Variants in SLC10A7 observed in about 807,000 individuals in gnomAD.
SLC10A7 encodes the protein solute carrier family 10 member 7.
SLC10A7 carries 29 observed loss-of-function variants against 43.2 expected under a neutral mutation model. The observed-to-expected ratio is 0.67, with a 90% CI of 0.50 to 0.92. The LOEUF (loss-of-function observed/expected upper bound fraction) is 0.92, where lower values mean the gene tolerates loss of function less well. Ranked by LOEUF, SLC10A7 falls within the 40% of genes least tolerant of loss-of-function variation. The probability of loss-of-function intolerance (pLI) is 0.00; values close to 1 mark genes in which losing one functional copy is unlikely to be tolerated. For synonymous variants in SLC10A7, 152 were observed against 144.8 expected, an observed-to-expected ratio of 1.05 and a Z score of -0.35; for missense variants, 295 against 403.2, an observed-to-expected ratio of 0.73 and a Z score of 2.30.
intron 4 of SLC10A7, among the ~76,000 whole-genome samples, chr4:146,484,284 C>G (rs955352488): frequency 6.6e-6 from 1 of 152,162 alleles, no homozygotes. Context: ...AGCCCAGGAT[C>G]TCAAGGCTGC....
intron 5 of SLC10A7, among the ~76,000 whole-genome samples, chr4:146,350,199 G>T (rs1734948867): frequency 6.7e-6 from 1 of 148,860 alleles, no homozygotes; most frequent in South Asian, 2.2e-4. Flanking sequence ...CCGAAGCAGG[G>T]CGAGGCATTG....
intron 4 of SLC10A7, among the ~76,000 whole-genome samples, chr4:146,498,675 C>G (rs1736133016): frequency 6.6e-6 from 1 of 152,194 alleles, no homozygotes; most frequent in Admixed American, 6.5e-5. Context: ...TACTACTAAA[C>G]AGTATCATTT....
chr4:146,288,330 G>A (rs1448891601), intron 9 of SLC10A7, among the ~76,000 whole-genome samples: 2 of 152,190 alleles, frequency 1.3e-5, no homozygotes, highest in Admixed American at 6.5e-5. Flanking sequence ...AAGCATTATT[G>A]AGCATTTTTC....
intron 2 of SLC10A7, among the ~76,000 whole-genome samples, chr4:146,512,566 T>A (rs567473946): frequency 4.6e-5 from 7 of 152,314 alleles, no homozygotes; most frequent in African/African-American, 1.7e-4. Flanking sequence ...TTGATGAGAA[T>A]GCAGGTGTAC....
chr4:146,416,466 T>G (rs1728573756), intron 5 of SLC10A7, among the ~76,000 whole-genome samples: 1 of 152,236 alleles, frequency 6.6e-6, no homozygotes. Flanking sequence ...TTTCTTCACC[T>G]GACTCTATTT....
intron 5 of SLC10A7, among the ~76,000 whole-genome samples, chr4:146,327,933 C>T (rs75319126): frequency 0.03 from 4,584 of 152,168 alleles, 92 homozygotes; most frequent in South Asian, 0.048. Context: ...CACTCACTGG[C>T]ATCTGCAGGC....
intron 5 of SLC10A7, among the ~76,000 whole-genome samples, chr4:146,408,160 C>A (rs1362368390): frequency 6.6e-6 from 1 of 152,106 alleles, no homozygotes; most frequent in Non-Finnish European, 1.5e-5. Flanking sequence ...ATCAGCGGTG[C>A]CTTTTCCCTT....
chr4:146,519,653 T>C (rs1738433369), intron 1 of SLC10A7, among the ~76,000 whole-genome samples: 1 of 152,110 alleles, frequency 6.6e-6, no homozygotes. Flanking sequence ...GCAAGGTGAT[T>C]CAGGAGCAGA....
intron 9 of SLC10A7, among the ~76,000 whole-genome samples, chr4:146,286,369 A>T (rs80143505): frequency 1.6e-4 from 16 of 97,662 alleles, no homozygotes; most frequent in East Asian, 3.2e-4. Flanking sequence ...AGAAGGACTG[A>T]GTTTGGAGTG....
intron 8 of SLC10A7, among the ~76,000 whole-genome samples, chr4:146,293,496 T>C (rs575339596): frequency 6.6e-6 from 1 of 152,322 alleles, no homozygotes; most frequent in South Asian, 2.1e-4. Flanking sequence ...GAAAATATGA[T>C]GTAAATATTC....
intron 5 of SLC10A7, among the ~76,000 whole-genome samples, chr4:146,348,420 CTAGTGGA>C (rs1489585220): frequency 1.3e-5 from 2 of 152,144 alleles, no homozygotes; most frequent in African/African-American, 4.8e-5. Flanking sequence ...CTCCCTTTCT[CTAGTGGA>C]TAGCTGGGGT....
intron 9 of SLC10A7, among the ~76,000 whole-genome samples, chr4:146,290,134 C>T (rs1730329691): frequency 1.3e-5 from 2 of 150,532 alleles, no homozygotes; most frequent in Non-Finnish European, 3.0e-5. Flanking sequence ...ACCATCCTGG[C>T]TAACATGCTG....
At chr4:146,442,120 T>A in intron 5 of SLC10A7, 1 of 973,052 alleles carries the variant, frequency 1.0e-6, no homozygotes, top group African/African-American at 1.8e-5. Flanking sequence ...TTTCTCAATC[T>A]TTCATAACAC....
At chr4:146,373,603 G>A (rs2149781954) in intron 5 of SLC10A7, among the ~76,000 whole-genome samples, 1 of 152,292 alleles carries the variant, frequency 6.6e-6, no homozygotes, top group African/African-American at 2.4e-5. Context: ...TGAGAGACAT[G>A]AGACGTGAAA....
intron 5 of SLC10A7, among the ~76,000 whole-genome samples, chr4:146,418,304 C>T (rs1401267172): frequency 6.6e-6 from 1 of 152,084 alleles, no homozygotes; most frequent in Non-Finnish European, 1.5e-5. Flanking sequence ...ATATATAGCT[C>T]CACTTTTGAT....
intron 4 of SLC10A7, among the ~76,000 whole-genome samples, chr4:146,476,188 G>T (rs990520796): frequency 2.6e-5 from 4 of 152,194 alleles, no homozygotes; most frequent in Admixed American, 6.5e-5. Context: ...TAAGTAAAGA[G>T]TAGCAACCAG....
intron 10 of SLC10A7, among the ~76,000 whole-genome samples, chr4:146,262,026 G>T (rs979750575): frequency 6.6e-6 from 1 of 152,300 alleles, no homozygotes; most frequent in African/African-American, 2.4e-5. Flanking sequence ...TCCACCAAAA[G>T]CATTTCCCCC....
chr4:146,301,304 G>A (rs1265690251), intron 7 of SLC10A7, among the ~76,000 whole-genome samples: 1 of 152,128 alleles, frequency 6.6e-6, no homozygotes, highest in Admixed American at 6.5e-5. Context: ...CAAAGGCATA[G>A]AGCAGTGAAG....
chr4:146,455,442 C>T (rs1181396736), intron 4 of SLC10A7, among the ~76,000 whole-genome samples: 1 of 151,846 alleles, frequency 6.6e-6, no homozygotes, highest in East Asian at 1.9e-4. Context: ...TAAGTGACAG[C>T]CTATGTCAAA....
Sources: allele counts gnomAD v4.1 joint callset (sites outside exome capture counted in the v4.1 genomes callset), GRCh38; gene constraint gnomAD v4.1.1; transcripts MANE v1.5; gene names NCBI Gene and HGNC (gene_info 2026-07-23, HGNC 2026-07-21).